Variants in TNFRSF8 observed in about 807,000 individuals in gnomAD.
TNFRSF8 encodes tumor necrosis factor receptor superfamily member 8.
A neutral mutation model predicts 70.8 loss-of-function variants in TNFRSF8; 26 were observed. That is an observed-to-expected ratio of 0.37 (90% confidence interval 0.27 to 0.51). The LOEUF is 0.51. Ranked by LOEUF, TNFRSF8 falls within the 20% of genes least tolerant of loss-of-function variation. The probability of loss-of-function intolerance (pLI) is 0.94; values close to 1 mark genes in which losing one functional copy is unlikely to be tolerated. For missense variants in TNFRSF8, 720 were observed against 807.9 expected (o/e 0.89, Z 1.32); for synonymous variants, 356 against 339.2 (o/e 1.05, Z -0.54).
At chr1:12,137,937 T>G (rs1039472491) in intron 13 of TNFRSF8, among the ~76,000 whole-genome samples, 2 of 152,166 alleles carry the variant, frequency 1.3e-5, no homozygotes, top group African/African-American at 2.4e-5. Context: ...GTTACCCACC[T>G]CATACAGTGG....
At chr1:12,137,349 C>T (rs989077661) in intron 13 of TNFRSF8, among the ~76,000 whole-genome samples, 2 of 151,962 alleles carry the variant, frequency 1.3e-5, no homozygotes, top group Non-Finnish European at 2.9e-5. Flanking sequence ...GACGTGATTA[C>T]TTTTGCACCA....
chr1:12,079,356 G>A (rs1385641796), intron 1 of TNFRSF8, among the ~76,000 whole-genome samples: 1 of 152,138 alleles, frequency 6.6e-6, no homozygotes, highest in Non-Finnish European at 1.5e-5. Flanking sequence ...AACCTGCGGG[G>A]AACTCCACCC....
At chr1:12,133,810 C>T (rs958829522) in intron 12 of TNFRSF8, among the ~76,000 whole-genome samples, 23 of 145,150 alleles carry the variant, frequency 1.6e-4, no homozygotes, top group South Asian at 2.2e-4. Context: ...CCCAGCACTT[C>T]GAGAGGCCGA....
intron 13 of TNFRSF8, among the ~76,000 whole-genome samples, chr1:12,136,174 A>G (rs562017779): frequency 6.6e-6 from 1 of 152,158 alleles, no homozygotes; most frequent in East Asian, 1.9e-4. Context: ...AATATAATAT[A>G]CACAACCATA....
Position 12,109,653 on chromosome 1 carries a change from C to G in TNFRSF8, c.509C>G (p.Ser170Cys), listed in dbSNP as rs776499261. The G allele has an allele frequency of 2.5e-6, 4 of 1,613,250 alleles. 1 individual carries two copies. The South Asian group carries it at 4.4e-5, about 18-fold the overall frequency. ...CASPENCKEP[S>C]SGTIPQAKPT... ...AGCCCAGAGAACTGCAAGGAACCCT[C>G]CAGGTGACTCCCTGGCTTTGCCTCC... The change falls in exon 5 of 15, where the codon TCC becomes TGC. Residue 170 changes from serine (S) to cysteine (C), a missense_variant. By Grantham distance (112) the Ser-to-Cys change is moderately radical. Transcript: ENST00000263932. This position sits in a 1 kb window ranked among gnomAD's most constrained non-coding sequence, Gnocchi z 4.4.
chr1:12,137,972 G>A (rs1216695117), intron 13 of TNFRSF8, among the ~76,000 whole-genome samples: 1 of 152,156 alleles, frequency 6.6e-6, no homozygotes. Context: ...ATATGTCAAG[G>A]ACTTTAGGAC....
At chr1:12,069,240 G>C (rs1284565307) in intron 1 of TNFRSF8, among the ~76,000 whole-genome samples, 1 of 134,826 alleles carries the variant, frequency 7.4e-6, no homozygotes, top group African/African-American at 2.8e-5. Context: ...GTGCAATGGC[G>C]CTGTCTCAGC....
intron 1 of TNFRSF8, among the ~76,000 whole-genome samples, chr1:12,083,589 A>G (rs1488735890): frequency 6.6e-6 from 1 of 152,206 alleles, no homozygotes; most frequent in Non-Finnish European, 1.5e-5. Context: ...TGGCAGGCTG[A>G]GGCACAAGAA....
intron 6 of TNFRSF8, 35 bp from the exon 7 acceptor site, chr1:12,111,863 G>A (rs762009150): frequency 7.5e-6 from 12 of 1,595,762 alleles, no homozygotes; most frequent in Admixed American, 5.0e-5. Flanking sequence ...TTGCCAAGGC[G>A]GCCTGGCCTG....
At chr1:12,084,301 G>C (rs1030253025) in intron 1 of TNFRSF8, among the ~76,000 whole-genome samples, 163 bp from the exon 2 acceptor site, 6 of 152,142 alleles carry the variant, frequency 3.9e-5, no homozygotes, top group African/African-American at 1.4e-4. Context: ...GAGTAGCAGG[G>C]GGAAGCGTAA....
intron 14 of TNFRSF8, among the ~76,000 whole-genome samples, chr1:12,139,241 A>G: frequency 6.6e-6 from 1 of 152,150 alleles, no homozygotes; most frequent in East Asian, 1.9e-4. Flanking sequence ...CTCAAGGCTG[A>G]CAGCAAGTTG....
At chr1:12,097,585 G>A (rs575243944) in intron 3 of TNFRSF8, among the ~76,000 whole-genome samples, 1 of 152,298 alleles carries the variant, frequency 6.6e-6, no homozygotes, top group South Asian at 2.1e-4. Flanking sequence ...TGGCAGAACT[G>A]GAGTTTGAGT....
intron 10 of TNFRSF8, among the ~76,000 whole-genome samples, chr1:12,124,887 C>CAAAACAAAACAAAA: frequency 7.3e-6 from 1 of 137,240 alleles, no homozygotes. Context: ...ACAAACAAAA[C>CAAAACAAAACAAAA]CCCCAAGAGT....
At chr1:12,117,181 C>T (rs772739267) in intron 8 of TNFRSF8, among the ~76,000 whole-genome samples, 4 of 152,066 alleles carry the variant, frequency 2.6e-5, no homozygotes, top group Non-Finnish European at 5.9e-5. Flanking sequence ...CTCCCGGGTT[C>T]AGGCAATTCT....
At chr1:12,128,417 A>G (rs1641982229) in intron 12 of TNFRSF8, among the ~76,000 whole-genome samples, 1 of 152,210 alleles carries the variant, frequency 6.6e-6, no homozygotes, top group South Asian at 2.1e-4. Context: ...CCAGCCCTCG[A>G]GTGGATCGAC....
At chr1:12,115,459 T>G in intron 7 of TNFRSF8, 118 bp from the exon 8 acceptor site, 1 of 1,127,154 alleles carries the variant, frequency 8.9e-7, no homozygotes, top group Non-Finnish European at 1.3e-6. Flanking sequence ...CAGACGAGCA[T>G]TTATTTTCTT....
At chr1:12,072,031 G>A (rs1311261238) in intron 1 of TNFRSF8, among the ~76,000 whole-genome samples, 2 of 152,086 alleles carry the variant, frequency 1.3e-5, no homozygotes, top group Non-Finnish European at 2.9e-5. Flanking sequence ...GAACTTTTTT[G>A]TCAGCCTGTC....
chr1:12,124,829 CAAACAAAACAAAACAAAACAAAACA>C (rs201195847), intron 10 of TNFRSF8, among the ~76,000 whole-genome samples: 2,428 of 146,020 alleles, frequency 0.017, 31 homozygotes, highest in Middle Eastern at 0.024. Flanking sequence ...GAATCAGTCT[CAAACAAAACAAAACAAAACAAAACA>C]AAACAAAACA....
chr1:12,099,508 C>G (rs1641384041), intron 3 of TNFRSF8, among the ~76,000 whole-genome samples: 1 of 152,022 alleles, frequency 6.6e-6, no homozygotes, highest in Non-Finnish European at 1.5e-5. Context: ...GCCTTAAACT[C>G]CAGGGCTTAA....
Sources: gnomAD v4.1 joint callset for allele counts (sites outside exome capture counted in the v4.1 genomes callset) on GRCh38, gnomAD v4.1.1 for gene constraint, Gnocchi (gnomAD v3.1) non-coding constraint, MANE v1.5 for transcripts, NCBI Gene and HGNC (gene_info 2026-07-23, HGNC 2026-07-21) for gene names.